USP13: variants seen among roughly 807,000 people sequenced by gnomAD.
USP13 encodes the protein ubiquitin carboxyl-terminal hydrolase 13.
USP13 carries 68 observed loss-of-function variants against 107.8 expected under a neutral mutation model. That is an observed-to-expected ratio of 0.63 (90% CI 0.52 to 0.77). The LOEUF (loss-of-function observed/expected upper bound fraction) is 0.77. USP13 is among the 30% of genes least tolerant of loss of function. The probability of loss-of-function intolerance (pLI) is 0.00; values close to 1 mark genes in which losing one functional copy is unlikely to be tolerated. For synonymous variants in USP13, 377 were observed against 389.5 expected (o/e 0.97, Z 0.38); for missense variants, 945 against 1,093.3 (o/e 0.86, Z 1.91).
chr3:179,772,308 G>A (rs1715365120), intron 19 of USP13, among the ~76,000 whole-genome samples: 1 of 152,184 alleles, frequency 6.6e-6, no homozygotes, highest in African/African-American at 2.4e-5. Context: ...CACTTAATGA[G>A]CATTTAATTT....
At chr3:179,782,646 T>G (rs989979982) in intron 20 of USP13, among the ~76,000 whole-genome samples, 1 of 152,200 alleles carries the variant, frequency 6.6e-6, no homozygotes, top group African/African-American at 2.4e-5. Context: ...TGGCTCCCAC[T>G]GCAGGAGTGG....
Position 179,730,613 on chromosome 3 carries a change from C to T in USP13, c.1161-3C>T, listed in dbSNP as rs1410848914. 6.2e-7 allele frequency: 1 copy of T among 1,612,294 alleles called. No homozygotes were observed. Among genetic ancestry groups the T allele is most frequent in the African/African-American group, 1.3e-5 (1 of 75,000 alleles). ...TTTGTTTCTGTTTCTCTGTCCTGGC[C>T]AGGACTAAGTTAGGACATGGCCTTC... On this transcript the variant is annotated splice_region_variant and splice_polypyrimidine_tract_variant and intron_variant, in intron 9 of 20. Coordinates refer to ENST00000263966, the MANE Select transcript of USP13 (RefSeq NM_003940.3).
chr3:179,669,159 C>T (rs1720670548), intron 1 of USP13, among the ~76,000 whole-genome samples: 1 of 152,176 alleles, frequency 6.6e-6, no homozygotes, highest in African/African-American at 2.4e-5. Flanking sequence ...CTAGTGCGCT[C>T]TATCCTAAAA....
chr3:179,727,798 AC>A (rs547029553), intron 8 of USP13, among the ~76,000 whole-genome samples: 12,290 of 32,498 alleles, frequency 0.38, 3,856 homozygotes, highest in Admixed American at 0.47. Context: ...CAGGGGGCTG[AC>A]CCCCCCCCCA....
chr3:179,766,757 A>G (rs947440942), intron 19 of USP13, among the ~76,000 whole-genome samples: 1 of 152,222 alleles, frequency 6.6e-6, no homozygotes, highest in African/African-American at 2.4e-5. Flanking sequence ...GCCAAAGGCC[A>G]CACAGCTCTT....
chr3:179,667,521 A>G (rs1720621802), intron 1 of USP13, among the ~76,000 whole-genome samples: 2 of 152,190 alleles, frequency 1.3e-5, no homozygotes, highest in African/African-American at 4.8e-5. Context: ...GTGTGTTCGT[A>G]TGCCGATGGT....
At chr3:179,697,355 T>G (rs1712362384) in intron 3 of USP13, among the ~76,000 whole-genome samples, 1 of 152,220 alleles carries the variant, frequency 6.6e-6, no homozygotes. Flanking sequence ...GACAGATCGC[T>G]TACCTCCAAC....
chr3:179,775,468 T>C (rs1054177379), intron 19 of USP13, among the ~76,000 whole-genome samples: 2 of 152,258 alleles, frequency 1.3e-5, no homozygotes, highest in African/African-American at 4.8e-5. Flanking sequence ...TAGTGGATCC[T>C]GTGCCAGGGC....
chr3:179,699,585 A>T (rs114004288), intron 3 of USP13, among the ~76,000 whole-genome samples: 1,991 of 151,322 alleles, frequency 0.013, 37 homozygotes, highest in Middle Eastern at 0.017. Flanking sequence ...TGGCAGTCCT[A>T]GCTTCTCAGG....
chr3:179,682,714 C>T (rs918840625), intron 2 of USP13, among the ~76,000 whole-genome samples: 4 of 152,058 alleles, frequency 2.6e-5, no homozygotes, highest in Admixed American at 6.6e-5. Flanking sequence ...ATTTTCTTCT[C>T]GTATTGATGA....
chr3:179,783,569 ATTG>A (rs1297185064), intron 20 of USP13, among the ~76,000 whole-genome samples: 1 of 152,242 alleles, frequency 6.6e-6, no homozygotes, highest in Non-Finnish European at 1.5e-5. Flanking sequence ...TGAAATAAGC[ATTG>A]TTGTACATAA....
chr3:179,745,966 A>G (rs775913619), intron 13 of USP13, among the ~76,000 whole-genome samples: 6 of 152,006 alleles, frequency 3.9e-5, no homozygotes, highest in African/African-American at 7.3e-5. Flanking sequence ...CACACTTCAT[A>G]TCACTGCACT....
At chr3:179,720,734 T>C (rs1253088243) in intron 7 of USP13, among the ~76,000 whole-genome samples, 1 of 152,166 alleles carries the variant, frequency 6.6e-6, no homozygotes, top group East Asian at 1.9e-4. Flanking sequence ...TTTAGTCTCC[T>C]TGCTTCTTTT....
chr3:179,754,172 GAATAAAAAGATGAACT>G (rs1308271388), intron 14 of USP13, among the ~76,000 whole-genome samples: 1 of 152,098 alleles, frequency 6.6e-6, no homozygotes, highest in African/African-American at 2.4e-5. Flanking sequence ...TTCCCACTTT[GAATAAAAAGATGAACT>G]AGAAAAACTG....
At chr3:179,698,605 C>T (rs1712398902) in intron 3 of USP13, among the ~76,000 whole-genome samples, 1 of 151,338 alleles carries the variant, frequency 6.6e-6, no homozygotes, top group African/African-American at 2.4e-5. Context: ...GCTGAATCTG[C>T]ACACATAAAC....
At chr3:179,670,854 T>G (rs182040021) in intron 1 of USP13, among the ~76,000 whole-genome samples, 1 of 151,934 alleles carries the variant, frequency 6.6e-6, no homozygotes, top group African/African-American at 2.4e-5. Context: ...TGTGCCACCA[T>G]GCCTGGCTAA....
intron 13 of USP13, among the ~76,000 whole-genome samples, chr3:179,745,492 G>GCCTTCCTT (rs35031347): frequency 3.5e-4 from 53 of 150,164 alleles, no homozygotes; most frequent in Middle Eastern, 3.5e-3. Flanking sequence ...TCTATTAGGA[G>GCCTTCCTT]CCTTCCTTCC....
At chr3:179,777,877 A>G (rs1375254690) in intron 19 of USP13, among the ~76,000 whole-genome samples, 2 of 152,218 alleles carry the variant, frequency 1.3e-5, no homozygotes, top group Admixed American at 6.5e-5. Context: ...TAAAAAGCCA[A>G]CAGGGGCCAA....
intron 16 of USP13, 100 bp from the exon 17 acceptor site, chr3:179,761,012 A>G: frequency 1.4e-6 from 2 of 1,422,970 alleles, no homozygotes; most frequent in Non-Finnish European, 1.9e-6. Context: ...ACAGAATAGC[A>G]CTTTCTTTGG....
Sources: gnomAD v4.1 joint callset for allele counts (sites outside exome capture counted in the v4.1 genomes callset) on GRCh38, gnomAD v4.1.1 for gene constraint, MANE v1.5 for transcripts, NCBI Gene and HGNC (gene_info 2026-07-23, HGNC 2026-07-21) for gene names.